Variants in CCNY observed in about 807,000 individuals in gnomAD.
The protein encoded by CCNY is cyclin Y.
A neutral mutation model predicts 42.8 loss-of-function variants in CCNY; 19 were observed. The observed-to-expected ratio is 0.44, with a 90% CI of 0.31 to 0.65. CCNY has a LOEUF of 0.65. CCNY is among the 30% of genes least tolerant of loss of function. The probability of loss-of-function intolerance (pLI) is 0.07; values close to 1 mark genes in which losing one functional copy is unlikely to be tolerated. For synonymous variants in CCNY, 165 were observed against 162.7 expected, an observed-to-expected ratio of 1.01 and a Z score of -0.11; for missense variants, 370 against 437.3, an observed-to-expected ratio of 0.85 and a Z score of 1.37.
intron 3 of CCNY, among the ~76,000 whole-genome samples, chr10:35,515,961 C>T (rs1213021895): frequency 6.6e-6 from 1 of 152,182 alleles, no homozygotes; most frequent in Non-Finnish European, 1.5e-5. Flanking sequence ...ATAATCTTCC[C>T]CTTTAAAACT....
chr10:35,344,934 C>T (rs1836266954), intron 1 of CCNY, among the ~76,000 whole-genome samples: 1 of 152,128 alleles, frequency 6.6e-6, no homozygotes, highest in Non-Finnish European at 1.5e-5. Flanking sequence ...CATAGTATTC[C>T]CTGGTGTATA....
At chr10:35,430,829 G>A (rs756866643) in intron 1 of CCNY, among the ~76,000 whole-genome samples, 9 of 152,002 alleles carry the variant, frequency 5.9e-5, no homozygotes, top group African/African-American at 1.4e-4. Flanking sequence ...AATTTAATAC[G>A]GCTTGGCGTG....
At chr10:35,514,075 CAAAAAAA>C (rs11451104) in intron 3 of CCNY, among the ~76,000 whole-genome samples, 6 of 76,190 alleles carry the variant, frequency 7.9e-5, no homozygotes, top group African/African-American at 2.0e-4. Flanking sequence ...AGGACCAGTT[CAAAAAAA>C]AAAAAAAAAA....
At chr10:35,466,169 A>G (rs1270534109) in intron 1 of CCNY, among the ~76,000 whole-genome samples, 1 of 151,980 alleles carries the variant, frequency 6.6e-6, no homozygotes, top group Non-Finnish European at 1.5e-5. Flanking sequence ...GGTTATAGGG[A>G]TATAAGAAGT....
chr10:35,252,584 A>G (rs1415412833), intron 3 of CCNY, among the ~76,000 whole-genome samples: 16 of 148,474 alleles, frequency 1.1e-4, no homozygotes, highest in African/African-American at 3.2e-4. Flanking sequence ...AAAAAAAAAA[A>G]AAAAAAAATG....
At chr10:35,435,841 G>A (rs1301697835) in intron 1 of CCNY, among the ~76,000 whole-genome samples, 1 of 152,158 alleles carries the variant, frequency 6.6e-6, no homozygotes, top group Non-Finnish European at 1.5e-5. Flanking sequence ...AATTAAATGG[G>A]AGAACATCTG....
intron 2 of CCNY, among the ~76,000 whole-genome samples, chr10:35,486,945 G>A (rs1589153451): frequency 6.6e-6 from 1 of 152,212 alleles, no homozygotes; most frequent in East Asian, 1.9e-4. Context: ...CATAGGAGTA[G>A]CCTGTGGATC....
At chr10:35,519,835 G>T (rs1487012325) in intron 4 of CCNY, among the ~76,000 whole-genome samples, 1 of 133,696 alleles carries the variant, frequency 7.5e-6, no homozygotes, top group African/African-American at 2.9e-5. Context: ...CTGGAGTGCA[G>T]TGGCATGATC....
intron 1 of CCNY, among the ~76,000 whole-genome samples, chr10:35,457,028 G>C (rs966967577): frequency 6.6e-6 from 1 of 151,944 alleles, no homozygotes; most frequent in Non-Finnish European, 1.5e-5. Flanking sequence ...CTGAAAATGC[G>C]GGGGGGAAAC....
rs1297045343 is a variant in CCNY at position 35,372,337 on chromosome 10, G to C, written c.154+35130G>C. ...GTTAGCAGTGCGCATGGGCCAGCCT[G>C]AATTGTTTCTGCAAAGATTACTCTT... On this transcript the variant is annotated intron_variant, in intron 1 of 9. Transcript: ENST00000374704. Among the ~76,000 whole-genome samples the C allele has an allele frequency of 2.0e-5, 3 of 152,206 alleles. No individual in the cohort carries two copies. In the East Asian group the frequency reaches 5.8e-4, roughly 29 times the overall value.
intron 3 of CCNY, among the ~76,000 whole-genome samples, chr10:35,278,339 C>A (rs1320736758): frequency 1.3e-5 from 2 of 151,942 alleles, no homozygotes; most frequent in African/African-American, 4.8e-5. Flanking sequence ...GGAGAATACG[C>A]CAGAGGAACC....
chr10:35,397,521 C>T (rs1837551699), intron 1 of CCNY, among the ~76,000 whole-genome samples: 1 of 152,112 alleles, frequency 6.6e-6, no homozygotes, highest in Non-Finnish European at 1.5e-5. Context: ...CCTCTTTGGC[C>T]CTGGATTGGG....
chr10:35,459,693 C>T (rs1839115340), intron 1 of CCNY, among the ~76,000 whole-genome samples: 1 of 152,164 alleles, frequency 6.6e-6, no homozygotes, highest in South Asian at 2.1e-4. Context: ...GCGGGTTCCA[C>T]CTCCTCCACC....
intron 1 of CCNY, chr10:35,449,899 C>A (rs1838879375): frequency 1.6e-6 from 1 of 610,992 alleles, no homozygotes. Context: ...CACTCAGGGC[C>A]TACCTGAGTA....
rs755423751 is a variant in CCNY at position 35,516,573 on chromosome 10, C to G, written c.315C>G (p.Phe105Leu). The change falls in exon 4 of 10, where the codon TTC becomes TTG. Residue 105 changes from phenylalanine to leucine, a missense_variant. Transcript: ENST00000374704. ...AATACAGTTCCTGCTCCACCATTTT[C>G]CTAGATGATAGCACAGTCAGTCAAC... is the stretch of plus-strand genomic sequence containing the variant. ...ARKYSSCSTI[F>L]LDDSTVSQPN... is the part of the protein sequence containing the mutation. The G allele has an allele frequency of 3.1e-6, 5 of 1,611,772 alleles. 1 individual carries two copies. The South Asian group carries it at 3.3e-5, about 11-fold the overall frequency.
At chr10:35,549,510 T>C (rs1841199204) in intron 7 of CCNY, among the ~76,000 whole-genome samples, 1 of 148,766 alleles carries the variant, frequency 6.7e-6, no homozygotes, top group African/African-American at 2.5e-5. Flanking sequence ...CCTACAGTGC[T>C]CGTGACCCTG....
rs754503807 is a variant in CCNY, at chr10:35,530,093, A to G, written c.460-31A>G. The G allele has an allele frequency of 1.2e-6, 2 of 1,614,046 alleles. No homozygotes were observed. Among genetic ancestry groups the G allele is most frequent in the South Asian group, 2.2e-5 (2 of 91,084 alleles). ...ATTTCTCTTTTGCTCCAATCGGGAG[A>G]TCAGTCATCTGAAAATATTTTCTTC... is the stretch of plus-strand genomic sequence containing the variant. On this transcript the variant is annotated intron_variant, in intron 6 of 9. Coordinates refer to ENST00000374704, the MANE Select transcript of CCNY (RefSeq NM_145012.6). The surrounding 1 kb of genome is among the most constrained non-coding windows in gnomAD (Gnocchi z 4.3).
At chr10:35,359,558 C>A (rs1181541121) in intron 1 of CCNY, among the ~76,000 whole-genome samples, 1 of 151,604 alleles carries the variant, frequency 6.6e-6, no homozygotes, top group African/African-American at 2.4e-5. Flanking sequence ...CCAGGCTGAT[C>A]TTAAACTTCT....
intron 2 of CCNY, among the ~76,000 whole-genome samples, chr10:35,484,641 A>G: frequency 6.6e-6 from 1 of 152,174 alleles, no homozygotes; most frequent in South Asian, 2.1e-4. Flanking sequence ...GTGGGATAAT[A>G]CAAAGGAAGG....
Sources: allele counts gnomAD v4.1 joint callset (sites outside exome capture counted in the v4.1 genomes callset), GRCh38; gene constraint gnomAD v4.1.1; non-coding constraint Gnocchi (gnomAD v3.1); transcripts MANE v1.5; gene names NCBI Gene and HGNC (gene_info 2026-07-23, HGNC 2026-07-21).